Variants in BCR observed in about 807,000 individuals in gnomAD.
BCR encodes BCR activator of RhoGEF and GTPase.
In BCR, 58 loss-of-function variants were observed where a neutral mutation model predicts 138.6. The observed-to-expected ratio is 0.42, with a 90% CI of 0.34 to 0.52. BCR has a LOEUF of 0.52. Among genes scored for constraint, BCR ranks in the 20% least tolerant of loss-of-function variants. The probability of loss-of-function intolerance (pLI) is 0.06; values close to 1 mark genes in which losing one functional copy is unlikely to be tolerated. For synonymous variants in BCR, 786 were observed against 730.1 expected (o/e 1.08, Z -1.23); for missense variants, 1,599 against 1,727.2 (o/e 0.93, Z 1.32).
intron 4 of BCR, chr22:23,263,338 A>T: frequency 8.4e-7 from 1 of 1,196,640 alleles, no homozygotes; most frequent in Non-Finnish European, 1.2e-6. Context: ...CTCCGGCGCC[A>T]GATAGCCTGG....
intron 18 of BCR, among the ~76,000 whole-genome samples, chr22:23,311,495 G>A (rs1384305376): frequency 6.6e-6 from 1 of 152,104 alleles, no homozygotes; most frequent in East Asian, 1.9e-4. Flanking sequence ...CGCTTGAAAG[G>A]TTCCTGAGAA....
chr22:23,189,443 A>G (rs1053190211), intron 1 of BCR, among the ~76,000 whole-genome samples: 1 of 151,894 alleles, frequency 6.6e-6, no homozygotes, highest in African/African-American at 2.4e-5. Context: ...GGCTGATTTC[A>G]CTCAAGCAGG....
chr22:23,311,957 T>C (rs1170131426), intron 19 of BCR, 121 bp downstream of exon 19: 3 of 1,458,756 alleles, frequency 2.1e-6, no homozygotes, highest in African/African-American at 1.4e-5. Flanking sequence ...CTTCATTTAC[T>C]GTGTTATTAT....
chr22:23,223,688 G>A (rs937783385), intron 1 of BCR, among the ~76,000 whole-genome samples: 1 of 152,134 alleles, frequency 6.6e-6, no homozygotes, highest in Non-Finnish European at 1.5e-5. Context: ...CTCCACTCCA[G>A]TTGGCAAGGG....
At position 23,258,799 on chromosome 22, in the gene BCR, A is replaced by G. The variant is rs546290718; in HGVS notation, c.1462-2151A>G. On this transcript the variant is annotated intron_variant, in intron 2 of 22. Transcript: ENST00000305877. ...CTAGATGTCAGCGGGGCCAACGAGAAGCCTGCCCGCAGCCAGTGATTTTCC... is the reference window on the plus strand; with the variant it reads ...CTAGATGTCAGCGGGGCCAACGAGAGGCCTGCCCGCAGCCAGTGATTTTCC... 2.6e-4 allele frequency among the ~76,000 whole-genome samples: 40 copies of G among 152,324 alleles called. 1 individual carries two copies. Among genetic ancestry groups the G allele is most frequent in the African/African-American group, 8.4e-4 (35 of 41,576 alleles).
intron 8 of BCR, among the ~76,000 whole-genome samples, chr22:23,275,521 G>A (rs1176559358): frequency 1.3e-5 from 2 of 152,246 alleles, no homozygotes; most frequent in African/African-American, 4.8e-5. Context: ...GAGGCGTTGA[G>A]CAGTGCAAGT....
chr22:23,226,315 AGAGAGAGAGAGAGT>A (rs2072892576), intron 1 of BCR, among the ~76,000 whole-genome samples: 2 of 118,012 alleles, frequency 1.7e-5, no homozygotes, highest in Non-Finnish European at 3.5e-5. Context: ...TGAGAGAGAG[AGAGAGAGAGAGAGT>A]GTGTGTGTGT....
chr22:23,209,673 A>G (rs2072659445), intron 1 of BCR, among the ~76,000 whole-genome samples: 1 of 151,794 alleles, frequency 6.6e-6, no homozygotes, highest in Non-Finnish European at 1.5e-5. Flanking sequence ...CCTCCCAAGT[A>G]GCTGGGACTA....
chr22:23,202,465 C>T (rs1011729534), intron 1 of BCR, among the ~76,000 whole-genome samples: 2 of 152,022 alleles, frequency 1.3e-5, no homozygotes, highest in East Asian at 3.9e-4. Context: ...GAACTCTTTC[C>T]ACCTTGCAAA....
Position 23,181,460 on chromosome 22 carries a change from A to G in BCR, c.500A>G (p.Gln167Arg). The change falls in exon 1 of 23, where the codon CAG becomes CGG. Residue 167 changes from glutamine to arginine, a missense_variant. Transcript: ENST00000305877. ...NFERIRKGHG[Q>R]PGADAEKPFY... is the part of the protein sequence containing the mutation. ...GAGCGGATCCGCAAGGGCCATGGCCAGCCCGGGGCGGACGCCGAGAAGCCC... is the reference window on the plus strand; with the variant it reads ...GAGCGGATCCGCAAGGGCCATGGCCGGCCCGGGGCGGACGCCGAGAAGCCC... The G allele has an allele frequency of 6.2e-7, 1 of 1,607,520 alleles. No individual in the cohort carries two copies. Among genetic ancestry groups the G allele is most frequent in the Admixed American group, 1.7e-5 (1 of 59,832 alleles).
intron 4 of BCR, chr22:23,263,404 C>T (rs1370096073): frequency 1.6e-6 from 2 of 1,258,414 alleles, no homozygotes; most frequent in East Asian, 2.3e-5. Flanking sequence ...ACCAGTGTCC[C>T]AGTGAAGGTG....
At chr22:23,200,558 T>TA (rs992412104) in intron 1 of BCR, among the ~76,000 whole-genome samples, 2 of 151,556 alleles carry the variant, frequency 1.3e-5, no homozygotes, top group Non-Finnish European at 2.9e-5. Flanking sequence ...TTTTTTTAAT[T>TA]AAAAAAAAAT....
intron 2 of BCR, among the ~76,000 whole-genome samples, chr22:23,257,692 G>T (rs938842237): frequency 1.3e-5 from 2 of 152,210 alleles, no homozygotes; most frequent in African/African-American, 4.8e-5. Context: ...GGCAGAGAGG[G>T]GGTGTCATAG....
chr22:23,295,878 A>T (rs2073839974), intron 16 of BCR, among the ~76,000 whole-genome samples: 1 of 152,064 alleles, frequency 6.6e-6, no homozygotes, highest in Non-Finnish European at 1.5e-5. Flanking sequence ...GGTAGCTGAG[A>T]GGAAGCCCTG....
At chr22:23,206,540 G>C (rs951941723) in intron 1 of BCR, among the ~76,000 whole-genome samples, 258 of 149,480 alleles carry the variant, frequency 1.7e-3, no homozygotes, top group African/African-American at 6.4e-3. Context: ...TTGTGCCACT[G>C]CACTCCAGCC....
chr22:23,246,527 G>C (rs186848900), intron 1 of BCR, among the ~76,000 whole-genome samples: 1 of 152,132 alleles, frequency 6.6e-6, no homozygotes, highest in Non-Finnish European at 1.5e-5. Context: ...TTGCTAAGTC[G>C]TAAGGTTATC....
At chr22:23,189,781 T>G (rs927495235) in intron 1 of BCR, among the ~76,000 whole-genome samples, 9 of 152,134 alleles carry the variant, frequency 5.9e-5, no homozygotes, top group Admixed American at 1.3e-4. Flanking sequence ...ATTATAGGCA[T>G]GAGCCACCGC....
At chr22:23,284,354 C>T (rs553883542) in intron 9 of BCR, among the ~76,000 whole-genome samples, 1 of 152,086 alleles carries the variant, frequency 6.6e-6, no homozygotes, top group Non-Finnish European at 1.5e-5. Flanking sequence ...GCAGAAAGGT[C>T]ACCTCAGGAC....
At chr22:23,275,418 A>G (rs1283405035) in intron 8 of BCR, among the ~76,000 whole-genome samples, 1 of 152,212 alleles carries the variant, frequency 6.6e-6, no homozygotes, top group Non-Finnish European at 1.5e-5. Flanking sequence ...TCAAATGGGC[A>G]TGATTTAGTG....
Sources: gnomAD v4.1 joint callset for allele counts (sites outside exome capture counted in the v4.1 genomes callset) on GRCh38, gnomAD v4.1.1 for gene constraint, MANE v1.5 for transcripts, NCBI Gene and HGNC (gene_info 2026-07-23, HGNC 2026-07-21) for gene names.